TECPR1: variants seen among roughly 807,000 people sequenced by gnomAD.
TECPR1 encodes tectonin beta-propeller repeat-containing protein 1.
In TECPR1, 122 loss-of-function variants were observed where a neutral mutation model predicts 162.4. The observed-to-expected ratio is 0.75, with a 90% CI of 0.65 to 0.87. TECPR1 has a LOEUF of 0.87. TECPR1 is among the 40% of genes least tolerant of loss of function. The pLI, the probability that TECPR1 is intolerant of heterozygous loss-of-function variation, is 0.00. For missense variants in TECPR1, 1,432 were observed against 1,618.2 expected, an observed-to-expected ratio of 0.88 and a Z score of 1.97; for synonymous variants, 642 against 670.6, an observed-to-expected ratio of 0.96 and a Z score of 0.66.
intron 3 of TECPR1, 134 bp downstream of exon 3, chr7:98,245,788 A>T: frequency 3.6e-6 from 3 of 828,532 alleles, no homozygotes; most frequent in Non-Finnish European, 5.6e-6. Context: ...CACAGATTTT[A>T]AGTACAAGGA....
rs960430405 is a variant in TECPR1 at position 98,222,392 on chromosome 7, G to T, written c.3058C>A (p.Pro1020Thr). Reference protein sequence around the residue: ...FYRGSVYPSQPAGDCWYHIPS... With the variant: ...FYRGSVYPSQTAGDCWYHIPS... ...CCTGGGGCGCGGCACTCACCGGCTG[G>T]CTGCGAGGGGTACACGGATCCCCGG... Residue 1020 changes from proline to threonine, a missense_variant, in exon 22 of 26, where the codon CCA becomes ACA. Coordinates refer to ENST00000447648, the MANE Select transcript of TECPR1 (RefSeq NM_015395.3). 4 of 1,602,708 alleles carry T rather than the reference G, an allele frequency of 2.5e-6. No individual in the cohort carries two copies. Among genetic ancestry groups the T allele is most frequent in the Non-Finnish European group, 3.4e-6 (4 of 1,175,614 alleles).
Position 98,245,937 on chromosome 7 carries a change from C to A in TECPR1, c.210G>T (p.Glu70Asp). The change falls in exon 3 of 26, where the codon GAG (glutamate) becomes GAT (aspartate). Residue 70 changes from glutamate to aspartate, a missense_variant. Physicochemically the swap from Glu to Asp is conservative, Grantham distance 45. Transcript: ENST00000447648. The stretch of plus-strand genomic sequence containing the variant: ...GGGTCACTACCTGATTCTCATAGGC[C>A]TCCTCTCGGCGGCGGATGGGGACAT... ...ASDVPIRRREEAYENQRWNPM... is the reference protein window; with the variant it reads ...ASDVPIRRREDAYENQRWNPM... 5.0e-6 allele frequency: 8 copies of A among 1,601,260 alleles called. No homozygotes were observed. The highest frequency in any genetic ancestry group is 6.8e-6 in the Non-Finnish European group (8 of 1,174,638).
At position 98,222,724 on chromosome 7, in the gene TECPR1, G is replaced by C. The variant is rs557913387; in HGVS notation, c.2929-203C>G. On this transcript the variant is annotated intron_variant, in intron 21 of 25. Transcript: ENST00000447648. ...TCATCCTCCTGCGAGCAGGGAAAGC[G>C]CCCCCGTGGGCGTGTGCACCTCACC... 3 of 802,124 alleles carry C rather than the reference G, an allele frequency of 3.7e-6. No homozygotes were observed. In the African/African-American group the frequency reaches 5.2e-5, roughly 14 times the overall value. The allele number at this position is 802,124 out of a possible 1,614,324, so 49.7% of individuals were successfully genotyped here.
intron 17 of TECPR1, chr7:98,226,777 T>C (rs1168808690): frequency 1.1e-5 from 7 of 647,422 alleles, no homozygotes; most frequent in Non-Finnish European, 1.7e-5. Flanking sequence ...CTACTAAAAA[T>C]ACAAAAATAG....
chr7:98,238,443 G>T, intron 9 of TECPR1, 66 bp downstream of exon 9: 1 of 1,309,546 alleles, frequency 7.6e-7, no homozygotes, highest in Non-Finnish European at 1.1e-6. Flanking sequence ...CTAGGCTATT[G>T]GGTGGCATCA....
At chr7:98,249,147 G>A (rs973726245) in intron 2 of TECPR1, among the ~76,000 whole-genome samples, 23 of 152,074 alleles carry the variant, frequency 1.5e-4, no homozygotes, top group African/African-American at 5.6e-4. Flanking sequence ...AAAGTGCTAC[G>A]ATTACAGGCA....
intron 2 of TECPR1, among the ~76,000 whole-genome samples, chr7:98,246,560 T>C (rs4727389): frequency 0.83 from 125,562 of 151,810 alleles, 52,998 homozygotes; most frequent in East Asian, 0.95. Flanking sequence ...CCACCGCGCG[T>C]GGCCAACTGC....
In TECPR1 at chr7:98,232,707, C is replaced by A. The variant is rs914803024; in HGVS notation, c.1818+120G>T. On this transcript the variant is annotated intron_variant, in intron 12 of 25. Coordinates refer to ENST00000447648, the MANE Select transcript of TECPR1 (RefSeq NM_015395.3). The surrounding 1 kb of genome is among the most constrained non-coding windows in gnomAD (Gnocchi z 4.6). Reference sequence around the variant, plus strand: ...TCATTTCTCTATGCCTGCATCTGGGCGGGAGACCAGGGGATGGAGGCATCT... The same window carrying A: ...TCATTTCTCTATGCCTGCATCTGGGAGGGAGACCAGGGGATGGAGGCATCT... The A allele has an allele frequency of 1.3e-5, 17 of 1,284,538 alleles. No homozygotes were observed. The highest frequency in any genetic ancestry group is 1.8e-5 in the Non-Finnish European group (17 of 963,498). The allele number at this position is 1,284,538 out of a possible 1,614,324, so 79.6% of individuals were successfully genotyped here.
At chr7:98,245,309 C>T (rs942430578) in intron 3 of TECPR1, among the ~76,000 whole-genome samples, 60 of 152,234 alleles carry the variant, frequency 3.9e-4, no homozygotes, top group Non-Finnish European at 1.0e-4. Flanking sequence ...CTGCCAGCCA[C>T]GGCGCTGTGA....
chr7:98,225,250 G>T, intron 17 of TECPR1, 148 bp from the exon 18 acceptor site: 3 of 748,368 alleles, frequency 4.0e-6, no homozygotes, highest in Non-Finnish European at 6.7e-6. Context: ...AGAGGTGACA[G>T]CCTGCTGGGC....
In TECPR1 at chr7:98,233,636, G is replaced by C; in HGVS notation, c.1457C>G (p.Pro486Arg). Residue 486 changes from proline to arginine, a missense_variant, in exon 11 of 26, where the codon CCC (proline) becomes CGC (arginine). Transcript: ENST00000447648. ...CTCCTTGAGGTCAATATTGGTCCAGGGCAGCTCGGCCGGGGTGGGGGCCGG... is the reference window on the plus strand; with the variant it reads ...CTCCTTGAGGTCAATATTGGTCCAGCGCAGCTCGGCCGGGGTGGGGGCCGG... The part of the protein sequence containing the change: ...PGPAPTPAEL[P>R]WTNIDLKEAK... 1 of 1,590,854 alleles carries C rather than the reference G, an allele frequency of 6.3e-7. No homozygotes were observed. The highest frequency in any genetic ancestry group is 8.6e-7 in the Non-Finnish European group (1 of 1,167,556).
At position 98,216,038 on chromosome 7, in the gene TECPR1, G is replaced by A. The variant is rs1023406073; in HGVS notation, c.*1352C>T. On this transcript the variant is annotated 3_prime_UTR_variant, in exon 26 of 26. Coordinates refer to ENST00000447648, the MANE Select transcript of TECPR1 (RefSeq NM_015395.3). ...TGGTGAAGTCATCCCCTCTCCAACC[G>A]AGCAGAGCCTGGGGTTGGGCTCTGA... is the stretch of plus-strand genomic sequence containing the variant. The A allele has an allele frequency of 5.9e-5, 9 of 152,278 alleles. No homozygotes were observed. Among genetic ancestry groups the A allele is most frequent in the Admixed American group, 2.0e-4 (3 of 15,288 alleles). 9.4% of individuals were successfully genotyped at this position (152,278 alleles called of 1,614,324 possible). A position where few individuals can be genotyped will look rare whatever the true frequency, so the allele number is the denominator to read the frequency against.
rs375012059 is a variant in TECPR1, at chr7:98,233,900, A to C, written c.1193T>G (p.Phe398Cys). ...SSSSLLSAGC[F>C]FGDEVRGSGE... ...ACTACCCCTCACCTCATCACCGAAG[A>C]AGCAGCCGGCACTGGGGACAAATCA... is the stretch of plus-strand genomic sequence containing the variant. Residue 398 changes from phenylalanine to cysteine, a missense_variant, in exon 11 of 26, where the codon TTC becomes TGC. Phe to Cys is a radical substitution (Grantham distance 205, BLOSUM62 -2). Transcript: ENST00000447648. 1.7e-5 allele frequency: 26 copies of C among 1,535,848 alleles called. No homozygotes were observed. The African/African-American group carries it at 2.2e-4, about 13-fold the overall frequency.
In TECPR1 at chr7:98,215,108, C is replaced by G. The variant is rs994324878; in HGVS notation, c.*2282G>C. The G allele has an allele frequency of 6.6e-6, 1 of 152,304 alleles. No homozygotes were observed. The highest frequency in any genetic ancestry group is 3.2e-3 in the Middle Eastern group (1 of 316). The allele number at this position is 152,304 out of a possible 1,614,324, so 9.4% of individuals were successfully genotyped here. A position where few individuals can be genotyped will look rare whatever the true frequency, so the allele number is the denominator to read the frequency against. ...CATCGGGATGAGGTCCCTCAAGTCC[C>G]TGCACAAGCAGGTCAGAGACCCACC... is the stretch of plus-strand genomic sequence containing the variant. On this transcript the variant is annotated 3_prime_UTR_variant, in exon 26 of 26. Coordinates refer to ENST00000447648, the MANE Select transcript of TECPR1 (RefSeq NM_015395.3).
chr7:98,230,941 C>T lies in TECPR1; in HGVS notation c.2282+20G>A. 1 of 1,603,346 alleles carries T rather than the reference C, an allele frequency of 6.2e-7. No homozygotes were observed. Among genetic ancestry groups the T allele is most frequent in the Non-Finnish European group, 8.5e-7 (1 of 1,174,614 alleles). On this transcript the variant is annotated intron_variant, in intron 15 of 25. Transcript: ENST00000447648. ...GGTGAGGCCAGGCCCCAGACCCCAC[C>T]CAGAGTGCGGCTCACTCACATCTGG...
In TECPR1 at chr7:98,221,725, T is replaced by G; in HGVS notation, c.3093A>C (p.Pro1031=). 6.2e-7 allele frequency: 1 copy of G among 1,613,504 alleles called. No individual in the cohort carries two copies. The highest frequency in any genetic ancestry group is 8.5e-7 in the Non-Finnish European group (1 of 1,179,846). ...ACACCTGCTTCAGCCTCTGTCTCGGTGGGGACGGGATGTGGTACCAGCAGT... is the reference window on the plus strand; with the variant it reads ...ACACCTGCTTCAGCCTCTGTCTCGGGGGGGACGGGATGTGGTACCAGCAGT... ...AGDCWYHIPS[P]PRQRLKQVSA... is the part of the protein sequence containing the mutation. Residue 1031 remains proline (P), a synonymous_variant, in exon 23 of 26, where the codon CCA becomes CCC. Coordinates refer to ENST00000447648, the MANE Select transcript of TECPR1 (RefSeq NM_015395.3).
rs545304845 is a variant in TECPR1 at position 98,217,782 on chromosome 7, G to C, written c.3294C>G (p.Gly1098=). The part of the protein sequence containing the change: ...QVWVIANKVQ[G]SHSLSRGTVC... ...CTGTCCCCCGGCTCAGGCTGTGGCT[G>C]CCCTGCACTTTGTTGGCGATCACCC... is the stretch of plus-strand genomic sequence containing the variant. The change falls in exon 25 of 26, where the codon GGC becomes GGG. Residue 1098 remains glycine, a synonymous_variant. Coordinates refer to ENST00000447648, the MANE Select transcript of TECPR1 (RefSeq NM_015395.3). 1.5e-5 allele frequency: 23 copies of C among 1,550,992 alleles called. No individual in the cohort carries two copies. The African/African-American group carries it at 2.5e-4, about 17-fold the overall frequency.
chr7:98,231,536 TC>T, intron 13 of TECPR1, 163 bp from the exon 14 acceptor site: 1 of 376,518 alleles, frequency 2.7e-6, no homozygotes, highest in Non-Finnish European at 4.1e-6. Flanking sequence ...CTTTACCCCC[TC>T]CCCAGGCACC....
chr7:98,234,307 A>C (rs1274702916), intron 10 of TECPR1, among the ~76,000 whole-genome samples: 2 of 152,174 alleles, frequency 1.3e-5, no homozygotes, highest in African/African-American at 2.4e-5. Context: ...GGCATGCACC[A>C]CCACGCCTGG....
Sources: allele counts gnomAD v4.1 joint callset (sites outside exome capture counted in the v4.1 genomes callset), GRCh38; gene constraint gnomAD v4.1.1; non-coding constraint Gnocchi (gnomAD v3.1); transcripts MANE v1.5; gene names NCBI Gene and HGNC (gene_info 2026-07-23, HGNC 2026-07-21).